The following GDA variants were observed in gnomAD, a reference collection of about 807,000 sequenced individuals.
GDA encodes cytoplasmic PSD-95 interactor.
A neutral mutation model predicts 59.6 loss-of-function variants in GDA; 18 were observed. That is an observed-to-expected ratio of 0.30 (90% CI 0.21 to 0.45). The LOEUF (loss-of-function observed/expected upper bound fraction) is 0.45. GDA is among the 20% of genes least tolerant of loss of function. The probability of loss-of-function intolerance (pLI) is 1.00; values close to 1 mark genes in which losing one functional copy is unlikely to be tolerated. For missense variants in GDA, 427 were observed against 552.3 expected (o/e 0.77, Z 2.27); for synonymous variants, 201 against 201.1 (o/e 1.00, Z 0.00).
intron 9 of GDA, chr9:72,228,713 C>A (rs574806224): frequency 6.6e-6 from 1 of 152,266 alleles, no homozygotes; most frequent in East Asian, 1.9e-4. Flanking sequence ...CATGGTGAAA[C>A]CCCATCAGTA....
In GDA at chr9:72,167,426, C is replaced by T. The variant is rs1203113922; in HGVS notation, c.123+17744C>T. Among the ~76,000 whole-genome samples, 4 of 152,152 alleles carry T rather than the reference C, an allele frequency of 2.6e-5. No individual in the cohort carries two copies. The East Asian group carries it at 7.7e-4, about 29-fold the overall frequency. ...CTCAGTGGTGTTTCGGTAACAACTT[C>T]TTATATATTTACCTGAACCCTTAGC... On this transcript the variant is annotated intron_variant, in intron 1 of 13. Transcript: ENST00000358399.
chr9:72,139,660 TA>T (rs113296189), intron 1 of GDA, among the ~76,000 whole-genome samples: 49 of 151,230 alleles, frequency 3.2e-4, no homozygotes, highest in African/African-American at 1.1e-3. Context: ...TCGCCTCTAA[TA>T]AAAAAAAATG....
intron 5 of GDA, among the ~76,000 whole-genome samples, chr9:72,217,581 C>G (rs1836294714): frequency 1.3e-5 from 2 of 152,274 alleles, no homozygotes; most frequent in South Asian, 4.1e-4. Flanking sequence ...ATATTTAAAG[C>G]CTGCAGGAAC....
rs3830994 is a variant in GDA at position 72,248,533 on chromosome 9, AGG to A, written c.*193_*194del. On this transcript the variant is annotated 3_prime_UTR_variant, in exon 14 of 14. Transcript: ENST00000358399. ...GCACTAATTCTCAACTCTGGTTGAG[AGG>A]GTTCATAAATTTCATGAAAATATCT... 34 of 1,391,176 alleles carry A rather than the reference AGG, an allele frequency of 2.4e-5. 1 individual carries two copies. In the South Asian group the frequency reaches 4.5e-4, roughly 18 times the overall value. 86.2% of individuals were successfully genotyped at this position (1,391,176 alleles called of 1,614,324 possible).
intron 1 of GDA, among the ~76,000 whole-genome samples, chr9:72,173,283 G>A (rs909472054): frequency 5.9e-5 from 9 of 151,450 alleles, no homozygotes; most frequent in East Asian, 3.9e-4. Flanking sequence ...AGCATCTTGC[G>A]TAAGTGATCA....
intron 1 of GDA, among the ~76,000 whole-genome samples, chr9:72,133,645 T>G (rs11143124): frequency 1.3e-5 from 2 of 152,128 alleles, no homozygotes; most frequent in Non-Finnish European, 2.9e-5. Context: ...CTGGGCAGAG[T>G]AGATGTTCAC....
intron 1 of GDA, among the ~76,000 whole-genome samples, chr9:72,127,651 A>C (rs894050574): frequency 6.6e-6 from 1 of 151,812 alleles, no homozygotes; most frequent in African/African-American, 2.4e-5. Flanking sequence ...AAAAAAAAAA[A>C]AGAAAGAAAA....
rs533950865 is a variant in GDA, at chr9:72,240,813, T to C, written c.989-339T>C. 1.3e-3 allele frequency among the ~76,000 whole-genome samples: 196 copies of C among 152,314 alleles called. 1 individual carries two copies. The highest frequency in any genetic ancestry group is 4.5e-3 in the African/African-American group (187 of 41,574). On this transcript the variant is annotated intron_variant, in intron 10 of 13. Coordinates refer to ENST00000358399, the MANE Select transcript of GDA (RefSeq NM_004293.5). ...GGGAGAAGCAAAGGAGAATTCTCCC[T>C]TAGAGCTCTTGTGGGGATCATGGCC...
At chr9:72,222,680 G>A (rs1300293579) in intron 6 of GDA, among the ~76,000 whole-genome samples, 1 of 151,916 alleles carries the variant, frequency 6.6e-6, no homozygotes, top group Admixed American at 6.6e-5. Context: ...TGTCTTCCAA[G>A]GTTGTTTTTT....
At position 72,118,775 on chromosome 9, in the gene GDA, C is replaced by T. The variant is rs531719976; in HGVS notation, c.-100+3942C>T. Among the ~76,000 whole-genome samples the T allele has an allele frequency of 3.9e-5, 6 of 152,210 alleles. No homozygotes were observed. In the South Asian group the frequency reaches 1.0e-3, roughly 26 times the overall value. ...TGATGAGCATGTAAAGAAATAGGCA[C>T]GCTCATATACTGATGGTGAGAATGC... On this transcript the variant is annotated intron_variant, in intron 1 of 13. Transcript: ENST00000545168.
chr9:72,119,287 A>G (rs539264307), intron 1 of GDA, among the ~76,000 whole-genome samples: 59 of 152,242 alleles, frequency 3.9e-4, no homozygotes, highest in African/African-American at 1.3e-3. Flanking sequence ...GGCAGATTCC[A>G]TGAGCTCAGG....
At chr9:72,188,215 A>G (rs773977106) in intron 1 of GDA, among the ~76,000 whole-genome samples, 1 of 152,236 alleles carries the variant, frequency 6.6e-6, no homozygotes, top group Non-Finnish European at 1.5e-5. Flanking sequence ...ACACAGACAG[A>G]AGAGAGCCAC....
At chr9:72,184,575 T>G (rs535016502) in intron 1 of GDA, among the ~76,000 whole-genome samples, 4 of 152,208 alleles carry the variant, frequency 2.6e-5, no homozygotes, top group Non-Finnish European at 4.4e-5. Context: ...GTTTTCTGGA[T>G]GTACCGCAGT....
intron 1 of GDA, among the ~76,000 whole-genome samples, chr9:72,155,575 A>G (rs1380540659): frequency 1.3e-5 from 2 of 152,230 alleles, no homozygotes. Context: ...GTTGAGGAGA[A>G]GGCTAACACA....
intron 1 of GDA, among the ~76,000 whole-genome samples, chr9:72,186,360 A>T (rs1831859860): frequency 6.6e-6 from 1 of 152,056 alleles, no homozygotes; most frequent in Admixed American, 6.5e-5. Flanking sequence ...GCACACTCCC[A>T]TTTTGGGGTC....
intron 1 of GDA, among the ~76,000 whole-genome samples, chr9:72,154,382 C>T (rs1434191027): frequency 6.6e-6 from 1 of 152,186 alleles, no homozygotes. Flanking sequence ...TTAACATGTA[C>T]CATGTTCATT....
At chr9:72,252,735 T>A (rs1840782304), downstream of GDA, among the ~76,000 whole-genome samples, 1 of 152,216 alleles carries the variant, frequency 6.6e-6, no homozygotes, top group South Asian at 2.1e-4. Context: ...AGAAGCAATA[T>A]TCCAGTATCT....
intron 1 of GDA, among the ~76,000 whole-genome samples, chr9:72,128,399 C>T (rs1825919158): frequency 6.6e-6 from 1 of 152,032 alleles, no homozygotes; most frequent in South Asian, 2.1e-4. Context: ...ATTTTCTTTA[C>T]ATTGGCAATA....
At chr9:72,219,364 C>T in intron 5 of GDA, 115 bp from the exon 6 acceptor site, 1 of 713,784 alleles carries the variant, frequency 1.4e-6, no homozygotes, top group Middle Eastern at 4.0e-4. Context: ...GATCGCACCA[C>T]TTCACTCCAG....
Sources: allele counts gnomAD v4.1 joint callset (sites outside exome capture counted in the v4.1 genomes callset), GRCh38; gene constraint gnomAD v4.1.1; transcripts MANE v1.5; gene names NCBI Gene and HGNC (gene_info 2026-07-23, HGNC 2026-07-21).